The following EBF1 variants were observed in gnomAD, a reference collection of about 807,000 sequenced individuals.
EBF1 encodes the protein EBF transcription factor 1.
A neutral mutation model predicts 68.4 loss-of-function variants in EBF1; 10 were observed. That is an observed-to-expected ratio of 0.15 (90% CI 0.09 to 0.25). EBF1 has a LOEUF of 0.25. Among genes scored for constraint, EBF1 ranks in the 10% least tolerant of loss-of-function variants. EBF1 has a pLI of 1.00. For missense variants in EBF1, 509 were observed against 794.4 expected (o/e 0.64, Z 4.32); for synonymous variants, 298 against 299.8 (o/e 0.99, Z 0.06).
intron 9 of EBF1, among the ~76,000 whole-genome samples, chr5:158,781,796 C>A (rs1222330025): frequency 2.6e-5 from 4 of 152,116 alleles, no homozygotes; most frequent in Non-Finnish European, 5.9e-5. Context: ...ACTATTACAA[C>A]AGTAGGAAAA....
chr5:159,065,710 C>T (rs1426739502), intron 6 of EBF1, among the ~76,000 whole-genome samples: 1 of 151,816 alleles, frequency 6.6e-6, no homozygotes, highest in Non-Finnish European at 1.5e-5. Context: ...GCCAAAGCCC[C>T]ATAAAATATG....
intron 6 of EBF1, among the ~76,000 whole-genome samples, chr5:159,034,152 AT>A (rs36118260): frequency 3.3e-5 from 5 of 152,180 alleles, no homozygotes; most frequent in African/African-American, 4.8e-5. Flanking sequence ...TATTGGGCTT[AT>A]TTTGGGGAGC....
At chr5:158,732,904 C>A (rs533305685) in intron 10 of EBF1, among the ~76,000 whole-genome samples, 1 of 152,260 alleles carries the variant, frequency 6.6e-6, no homozygotes, top group South Asian at 2.1e-4. Context: ...AAACTTTCAA[C>A]CTGTCTCTTG....
chr5:158,849,861 T>C (rs1247505554), intron 6 of EBF1, among the ~76,000 whole-genome samples: 1 of 152,214 alleles, frequency 6.6e-6, no homozygotes, highest in Non-Finnish European at 1.5e-5. Context: ...GTTGGCCCCA[T>C]TCTACAAGGA....
intron 8 of EBF1, among the ~76,000 whole-genome samples, chr5:158,822,219 T>C (rs1784995765): frequency 6.6e-6 from 1 of 152,062 alleles, no homozygotes; most frequent in Non-Finnish European, 1.5e-5. Context: ...ATATGGTGAC[T>C]GGTATCCAGC....
intron 6 of EBF1, among the ~76,000 whole-genome samples, chr5:159,012,393 T>C (rs1764846015): frequency 6.6e-6 from 1 of 152,168 alleles, no homozygotes; most frequent in South Asian, 2.1e-4. Flanking sequence ...GCCACTGCCA[T>C]GGGCTGAATT....
At chr5:159,019,524 G>A (rs1028399889) in intron 6 of EBF1, among the ~76,000 whole-genome samples, 1 of 152,186 alleles carries the variant, frequency 6.6e-6, no homozygotes, top group African/African-American at 2.4e-5. Flanking sequence ...GGGCTGAGGT[G>A]TTTCTATAGC....
At chr5:158,818,272 G>A (rs548012867) in intron 8 of EBF1, among the ~76,000 whole-genome samples, 16 of 152,208 alleles carry the variant, frequency 1.1e-4, no homozygotes, top group East Asian at 1.9e-4. Flanking sequence ...CCACATTTCC[G>A]TAAAAACATG....
chr5:158,800,002 C>A (rs1464185936), intron 8 of EBF1, among the ~76,000 whole-genome samples: 2 of 152,042 alleles, frequency 1.3e-5, no homozygotes, highest in East Asian at 3.9e-4. Flanking sequence ...TAAAAGAAGA[C>A]CTGGAAATAC....
At chr5:158,954,019 C>A (rs1372568131) in intron 6 of EBF1, among the ~76,000 whole-genome samples, 2 of 152,208 alleles carry the variant, frequency 1.3e-5, no homozygotes, top group East Asian at 3.8e-4. Context: ...AGATTTCACA[C>A]AATGTTGTTA....
At chr5:158,974,032 T>A (rs1189101276) in intron 6 of EBF1, among the ~76,000 whole-genome samples, 1 of 152,192 alleles carries the variant, frequency 6.6e-6, no homozygotes, top group Admixed American at 6.5e-5. Context: ...CATGCCTCCA[T>A]TGTAGATTTG....
chr5:158,977,743 G>C (rs1352967634), intron 6 of EBF1, among the ~76,000 whole-genome samples: 1 of 152,206 alleles, frequency 6.6e-6, no homozygotes, highest in African/African-American at 2.4e-5. Flanking sequence ...CTGTGACTTA[G>C]TAAGAATGCC....
intron 11 of EBF1, among the ~76,000 whole-genome samples, chr5:158,723,067 A>T (rs181805562): frequency 9.8e-5 from 15 of 152,304 alleles, no homozygotes; most frequent in African/African-American, 3.4e-4. Flanking sequence ...GCACTGAGCT[A>T]TTGGATAACG....
intron 11 of EBF1, 45 bp downstream of exon 11, chr5:158,731,024 C>G (rs374747069): frequency 1.3e-6 from 2 of 1,578,546 alleles, no homozygotes; most frequent in Non-Finnish European, 1.7e-6. Context: ...CTGCAAATCG[C>G]TCAAGTCCAA....
At chr5:158,761,976 T>C (rs892284425) in intron 10 of EBF1, among the ~76,000 whole-genome samples, 1 of 152,196 alleles carries the variant, frequency 6.6e-6, no homozygotes, top group African/African-American at 2.4e-5. Context: ...TACTTAATAA[T>C]GCAATAAACT....
chr5:158,905,906 G>C (rs1804474808), intron 6 of EBF1, among the ~76,000 whole-genome samples: 1 of 152,176 alleles, frequency 6.6e-6, no homozygotes, highest in African/African-American at 2.4e-5. Context: ...AGGGAATGGA[G>C]GAGGGAGCAA....
chr5:159,052,889 A>T (rs1273646027), intron 6 of EBF1, among the ~76,000 whole-genome samples: 1 of 152,134 alleles, frequency 6.6e-6, no homozygotes, highest in East Asian at 1.9e-4. Flanking sequence ...TAAATGAGAC[A>T]ACCAACTGCA....
chr5:158,712,050 TG>T (rs971779701), intron 14 of EBF1, 103 bp downstream of exon 14: 33 of 1,379,202 alleles, frequency 2.4e-5, no homozygotes, highest in Non-Finnish European at 3.2e-5. Context: ...GAGGGAAAGA[TG>T]GGGGGCCTCA....
intron 6 of EBF1, among the ~76,000 whole-genome samples, chr5:158,899,106 A>C (rs1802759580): frequency 6.6e-6 from 1 of 152,252 alleles, no homozygotes; most frequent in Admixed American, 6.5e-5. Context: ...TAATTACGTG[A>C]AAATGAAAAT....
Sources: allele counts gnomAD v4.1 joint callset (sites outside exome capture counted in the v4.1 genomes callset), GRCh38; gene constraint gnomAD v4.1.1; transcripts MANE v1.5; gene names NCBI Gene and HGNC (gene_info 2026-07-23, HGNC 2026-07-21).